DAB1: variants seen among roughly 807,000 people sequenced by gnomAD.
DAB1 encodes the protein disabled homolog 1.
Under a neutral mutation model 64.6 loss-of-function variants are expected in DAB1, and 15 were observed. The observed-to-expected ratio is 0.23, with a 90% CI of 0.16 to 0.36. The LOEUF (loss-of-function observed/expected upper bound fraction) is 0.36. DAB1 is among the 10% of genes least tolerant of loss of function. The probability of loss-of-function intolerance (pLI) is 1.00; values close to 1 mark genes in which losing one functional copy is unlikely to be tolerated. For synonymous variants in DAB1, 235 were observed against 251.9 expected (o/e 0.93, Z 0.64); for missense variants, 596 against 706.7 (o/e 0.84, Z 1.78).
intron 7 of DAB1, among the ~76,000 whole-genome samples, chr1:57,429,523 G>C (rs1202176472): frequency 6.6e-6 from 1 of 152,090 alleles, no homozygotes; most frequent in Non-Finnish European, 1.5e-5. Context: ...TTTCACTTTT[G>C]TTGCCTATGC....
rs189431979 is a variant in DAB1 at position 57,715,253 on chromosome 1, A to C, written n.552-65588T>G. ...TTGCATTATTACAAAAGTGCTCAAC[A>C]TGTTGGTTTTAGAAGAAATATACCT... On this transcript the variant is annotated intron_variant and non_coding_transcript_variant, in intron 6 of 20. Transcript: ENST00000485760. Among the ~76,000 whole-genome samples, 4 of 152,342 alleles carry C rather than the reference A, an allele frequency of 2.6e-5. No homozygotes were observed. The East Asian group carries it at 7.7e-4, about 29-fold the overall frequency.
chr1:57,433,601 C>T (rs1286759953), intron 7 of DAB1, among the ~76,000 whole-genome samples: 1 of 151,930 alleles, frequency 6.6e-6, no homozygotes, highest in Non-Finnish European at 1.5e-5. Flanking sequence ...GAGGTATGCA[C>T]AGGTTTCTTA....
intron 4 of DAB1, among the ~76,000 whole-genome samples, chr1:58,324,293 A>T (rs1166229535): frequency 6.6e-6 from 1 of 152,222 alleles, no homozygotes; most frequent in Admixed American, 6.5e-5. Flanking sequence ...TATTGTCCAA[A>T]TCAGATAGTA....
At position 57,604,692 on chromosome 1, in the gene DAB1, C is replaced by T. The variant is rs11207073; in HGVS notation, n.625+44900G>A. ...ACCTCTCCAGGTGTTCACTTGAAGC[C>T]GCTTCACTAGGGTTCGTGTGTCAGG... On this transcript the variant is annotated intron_variant and non_coding_transcript_variant, in intron 7 of 20. Coordinates refer to the DAB1 transcript ENST00000485760. Among the ~76,000 whole-genome samples the T allele has an allele frequency of 5.2e-3, 791 of 152,244 alleles. 5 individuals carry two copies. Among genetic ancestry groups the T allele is most frequent in the African/African-American group, 0.018 (757 of 41,544 alleles).
intron 5 of DAB1, among the ~76,000 whole-genome samples, chr1:58,046,945 C>T (rs1306106729): frequency 6.6e-6 from 1 of 152,202 alleles, no homozygotes; most frequent in Non-Finnish European, 1.5e-5. Flanking sequence ...AGCCGTGCCA[C>T]TTACTGGTTG....
At chr1:57,671,565 A>C (rs1646511087) in intron 6 of DAB1, among the ~76,000 whole-genome samples, 1 of 152,120 alleles carries the variant, frequency 6.6e-6, no homozygotes, top group African/African-American at 2.4e-5. Flanking sequence ...ACCTTTCACG[A>C]GGTGACTCCA....
intron 3 of DAB1, among the ~76,000 whole-genome samples, chr1:57,137,174 A>G (rs1473761884): frequency 6.6e-6 from 1 of 152,182 alleles, no homozygotes; most frequent in Non-Finnish European, 1.5e-5. Flanking sequence ...ATGCCTATTG[A>G]TTATAATTTT....
intron 7 of DAB1, among the ~76,000 whole-genome samples, chr1:57,585,331 A>G (rs952831990): frequency 6.6e-6 from 1 of 152,004 alleles, no homozygotes; most frequent in East Asian, 1.9e-4. Context: ...AAGAGACAAC[A>G]AAGTTAGATT....
At chr1:57,100,899 A>G (rs1397966834) in intron 4 of DAB1, among the ~76,000 whole-genome samples, 1 of 152,180 alleles carries the variant, frequency 6.6e-6, no homozygotes, top group Non-Finnish European at 1.5e-5. Flanking sequence ...ATGAATAATA[A>G]TAATATTAAA....
At chr1:57,351,723 C>A (rs1198386968) in intron 1 of DAB1, among the ~76,000 whole-genome samples, 1 of 151,944 alleles carries the variant, frequency 6.6e-6, no homozygotes, top group South Asian at 2.1e-4. Flanking sequence ...GCAGGGTGGA[C>A]CCCTGGTGTG....
chr1:58,375,722 T>C (rs893313401), intron 3 of DAB1, among the ~76,000 whole-genome samples: 4 of 141,464 alleles, frequency 2.8e-5, no homozygotes, highest in Admixed American at 7.0e-5. Context: ...GGATTCCCTC[T>C]TTTTCTATTG....
intron 6 of DAB1, among the ~76,000 whole-genome samples, chr1:57,756,206 A>G (rs1173367176): frequency 1.3e-5 from 2 of 152,228 alleles, no homozygotes; most frequent in Non-Finnish European, 2.9e-5. Context: ...TGAGATCCAA[A>G]TAACATAATG....
chr1:57,012,001 G>T (rs539851461), intron 12 of DAB1, among the ~76,000 whole-genome samples: 4 of 152,184 alleles, frequency 2.6e-5, no homozygotes, highest in South Asian at 2.1e-4. Context: ...CAAAGGATAC[G>T]CATTTTCTGG....
rs1474494464 is a variant in DAB1, at chr1:58,296,236, A to AG, written n.309+47115dup. ...AAGAAAGAAAGAAAGAAAGAAAGAA[A>AG]GAAAGAAAGAAAGAAAGAAAGAAAG... On this transcript the variant is annotated intron_variant and non_coding_transcript_variant, in intron 4 of 20. Coordinates refer to the DAB1 transcript ENST00000485760. 2.0e-5 allele frequency among the ~76,000 whole-genome samples: 3 copies of AG among 151,906 alleles called. No individual in the cohort carries two copies. The East Asian group carries it at 5.8e-4, about 29-fold the overall frequency.
intron 3 of DAB1, among the ~76,000 whole-genome samples, chr1:58,442,738 G>A (rs1645025829): frequency 6.6e-6 from 1 of 152,002 alleles, no homozygotes; most frequent in African/African-American, 2.4e-5. Context: ...TGGGAATATG[G>A]GCCTGGCATT....
chr1:57,453,567 C>G (rs1443697735), intron 7 of DAB1, among the ~76,000 whole-genome samples: 2 of 152,100 alleles, frequency 1.3e-5, no homozygotes, highest in East Asian at 3.8e-4. Context: ...CTAACTACAG[C>G]TCCAAGTTTG....
intron 1 of DAB1, among the ~76,000 whole-genome samples, chr1:57,862,097 T>A (rs1443502957): frequency 6.6e-6 from 1 of 152,198 alleles, no homozygotes; most frequent in Non-Finnish European, 1.5e-5. Flanking sequence ...CCCTTTGGTC[T>A]CACTTCTGTT....
At chr1:58,519,838 G>A (rs959428305) in intron 2 of DAB1, among the ~76,000 whole-genome samples, 2 of 152,148 alleles carry the variant, frequency 1.3e-5, no homozygotes, top group African/African-American at 4.8e-5. Context: ...ATTTATAAAA[G>A]AGCATCAAAG....
chr1:57,572,287 T>C (rs1030660443), intron 7 of DAB1, among the ~76,000 whole-genome samples: 3 of 152,124 alleles, frequency 2.0e-5, no homozygotes, highest in African/African-American at 7.2e-5. Context: ...AGCTGTGGGA[T>C]CTTGAGCATG....
Sources: gnomAD v4.1 joint callset for allele counts (sites outside exome capture counted in the v4.1 genomes callset) on GRCh38, gnomAD v4.1.1 for gene constraint, MANE v1.5 for transcripts, NCBI Gene and HGNC (gene_info 2026-07-23, HGNC 2026-07-21) for gene names.